Variants in ATG10 observed in about 807,000 individuals in gnomAD.
ATG10 encodes autophagy related 10.
ATG10 carries 30 observed loss-of-function variants against 32.1 expected under a neutral mutation model. The ratio of observed to expected loss-of-function variants is 0.94; its 90% CI spans 0.70 to 1.27. ATG10 has a LOEUF of 1.27. Ranked by LOEUF, ATG10 falls within the 50% of genes most tolerant of loss-of-function variation. The probability of loss-of-function intolerance (pLI) is 0.00; values close to 1 mark genes in which losing one functional copy is unlikely to be tolerated. For synonymous variants in ATG10, 87 were observed against 91.5 expected, an observed-to-expected ratio of 0.95 and a Z score of 0.28; for missense variants, 233 against 262.3, an observed-to-expected ratio of 0.89 and a Z score of 0.77.
At chr5:82,081,885 G>A (rs141339080) in intron 3 of ATG10, among the ~76,000 whole-genome samples, 2,058 of 152,278 alleles carry the variant, frequency 0.014, 19 homozygotes, top group Middle Eastern at 0.037. Context: ...AATGAGTTAG[G>A]GAGGATTCTG....
At chr5:82,030,450 T>C (rs1015458435) in intron 2 of ATG10, among the ~76,000 whole-genome samples, 1 of 152,204 alleles carries the variant, frequency 6.6e-6, no homozygotes, top group Non-Finnish European at 1.5e-5. Flanking sequence ...TCATTGCAAA[T>C]GATTTTATTG....
At chr5:81,975,876 A>G (rs1289276758) in intron 1 of ATG10, among the ~76,000 whole-genome samples, 1 of 152,056 alleles carries the variant, frequency 6.6e-6, no homozygotes, top group African/African-American at 2.4e-5. Context: ...AATATATAAT[A>G]ACATACAAAA....
At chr5:82,079,295 G>T (rs1190229154) in intron 3 of ATG10, among the ~76,000 whole-genome samples, 6 of 152,060 alleles carry the variant, frequency 3.9e-5, no homozygotes, top group Non-Finnish European at 5.9e-5. Context: ...ATGGCAGAAG[G>T]CAAGGGGAAC....
Position 82,098,501 on chromosome 5 carries a change from C to T in ATG10, c.216+39899C>T, listed in dbSNP as rs369462079. ...AATTTTTGTTTTTTTAGTAGAGATG[C>T]GGTTTCACCATCTTGGCCAGGCTGG... is the stretch of plus-strand genomic sequence containing the variant. On this transcript the variant is annotated intron_variant, in intron 3 of 7. Transcript: ENST00000282185. 3.3e-4 allele frequency among the ~76,000 whole-genome samples: 50 copies of T among 151,698 alleles called. No individual in the cohort carries two copies. In the East Asian group the frequency reaches 7.2e-3, roughly 22 times the overall value.
At chr5:82,045,513 C>A (rs914264782) in intron 2 of ATG10, among the ~76,000 whole-genome samples, 1 of 152,114 alleles carries the variant, frequency 6.6e-6, no homozygotes, top group Non-Finnish European at 1.5e-5. Context: ...TCTCCTCCTT[C>A]TGCTGTTCTG....
intron 2 of ATG10, among the ~76,000 whole-genome samples, chr5:82,035,941 T>C (rs1303301627): frequency 1.3e-5 from 2 of 152,012 alleles, no homozygotes; most frequent in Non-Finnish European, 2.9e-5. Flanking sequence ...TTCCAGTCTT[T>C]TGCTCAGTGG....
At chr5:82,060,170 A>G (rs1037189255) in intron 3 of ATG10, among the ~76,000 whole-genome samples, 3 of 152,114 alleles carry the variant, frequency 2.0e-5, no homozygotes, top group Non-Finnish European at 1.5e-5. Context: ...ATAAAATATA[A>G]TTTTTTTCAA....
chr5:82,101,122 A>T (rs1765256653), intron 3 of ATG10, among the ~76,000 whole-genome samples: 1 of 152,154 alleles, frequency 6.6e-6, no homozygotes, highest in Non-Finnish European at 1.5e-5. Flanking sequence ...GTGAGTTAGG[A>T]ATTAAGTTCC....
At chr5:81,981,568 A>G (rs1211575708) in intron 1 of ATG10, among the ~76,000 whole-genome samples, 1 of 152,262 alleles carries the variant, frequency 6.6e-6, no homozygotes, top group East Asian at 1.9e-4. Context: ...GCTAGGAGGG[A>G]CAAGTATTCA....
At chr5:82,143,039 G>A (rs1767212977) in intron 3 of ATG10, among the ~76,000 whole-genome samples, 1 of 152,226 alleles carries the variant, frequency 6.6e-6, no homozygotes, top group Non-Finnish European at 1.5e-5. Flanking sequence ...TTTTGGCAGA[G>A]AGGTAATAGT....
At chr5:82,042,748 C>G (rs1174852966) in intron 2 of ATG10, among the ~76,000 whole-genome samples, 1 of 152,216 alleles carries the variant, frequency 6.6e-6, no homozygotes, top group Non-Finnish European at 1.5e-5. Flanking sequence ...GTCATTAAAT[C>G]TTAAAGCTCC....
At chr5:82,080,062 C>CTGG (rs1764419712) in intron 3 of ATG10, among the ~76,000 whole-genome samples, 2 of 152,212 alleles carry the variant, frequency 1.3e-5, no homozygotes, top group Admixed American at 1.3e-4. Context: ...ACCATTCTAA[C>CTGG]TGGTGTGAGA....
At chr5:82,118,997 C>A (rs1765935324) in intron 3 of ATG10, among the ~76,000 whole-genome samples, 4 of 152,068 alleles carry the variant, frequency 2.6e-5, no homozygotes, top group African/African-American at 7.2e-5. Flanking sequence ...TTAGGAAGAC[C>A]AGAGATTTCT....
Position 82,043,301 on chromosome 5 carries a change from G to A in ATG10, c.109-15194G>A, listed in dbSNP as rs1016783693. ...ACAGCTGGAGCAGCTGGGACACAGGGTGCCATGTCCTGAGGCTGGACAGAG... is the reference window on the plus strand; with the variant it reads ...ACAGCTGGAGCAGCTGGGACACAGGATGCCATGTCCTGAGGCTGGACAGAG... On this transcript the variant is annotated intron_variant, in intron 2 of 7. Coordinates refer to ENST00000282185, the MANE Select transcript of ATG10 (RefSeq NM_031482.5). Among the ~76,000 whole-genome samples the A allele has an allele frequency of 2.0e-5, 3 of 152,200 alleles. No homozygotes were observed. The South Asian group carries it at 6.2e-4, about 31-fold the overall frequency.
intron 2 of ATG10, among the ~76,000 whole-genome samples, chr5:82,043,915 C>T (rs1763159924): frequency 6.6e-6 from 1 of 152,074 alleles, no homozygotes; most frequent in South Asian, 2.1e-4. Context: ...TCACATCTTC[C>T]TATCTTCTTC....
At chr5:82,198,921 T>C (rs550028530) in intron 5 of ATG10, among the ~76,000 whole-genome samples, 1 of 152,228 alleles carries the variant, frequency 6.6e-6, no homozygotes, top group Non-Finnish European at 1.5e-5. Context: ...CATTTCCAGG[T>C]ACAACATTCA....
rs1490680304 is a variant in ATG10 at position 82,177,196 on chromosome 5, C to T, written c.356-1294C>T. On this transcript the variant is annotated intron_variant, in intron 4 of 7. Transcript: ENST00000282185. ...TAATGTAAGCCTCAAAAGAACAATA[C>T]CCAGAAAGGATCATTATTCTCATTT... 3.3e-5 allele frequency among the ~76,000 whole-genome samples: 5 copies of T among 152,112 alleles called. No individual in the cohort carries two copies. The South Asian group carries it at 6.2e-4, about 19-fold the overall frequency.
intron 5 of ATG10, among the ~76,000 whole-genome samples, chr5:82,232,556 A>AT (rs1347074234): frequency 3.9e-5 from 6 of 152,240 alleles, no homozygotes; most frequent in African/African-American, 9.6e-5. Flanking sequence ...CATAGCTTGG[A>AT]TTTTTTCTTA....
chr5:82,089,873 A>G (rs527287866), intron 3 of ATG10, among the ~76,000 whole-genome samples: 12 of 152,244 alleles, frequency 7.9e-5, no homozygotes, highest in Middle Eastern at 3.4e-3. Context: ...TACTGAGAGT[A>G]TATAAAGAAC....
Sources: gnomAD v4.1 joint callset for allele counts (sites outside exome capture counted in the v4.1 genomes callset) on GRCh38, gnomAD v4.1.1 for gene constraint, MANE v1.5 for transcripts, NCBI Gene and HGNC (gene_info 2026-07-23, HGNC 2026-07-21) for gene names.